Variants in GUCY1A2 observed in about 807,000 individuals in gnomAD.
The protein encoded by GUCY1A2 is guanylate cyclase 1 soluble subunit alpha 2.
A neutral mutation model predicts 63.5 loss-of-function variants in GUCY1A2; 27 were observed. That is an observed-to-expected ratio of 0.43 (90% confidence interval 0.31 to 0.59). The LOEUF is 0.59. Among genes scored for constraint, GUCY1A2 ranks in the 20% least tolerant of loss-of-function variants. The probability of loss-of-function intolerance (pLI) is 0.11; values close to 1 mark genes in which losing one functional copy is unlikely to be tolerated. For synonymous variants in GUCY1A2, 364 were observed against 343.5 expected (o/e 1.06, Z -0.66); for missense variants, 768 against 913.3 (o/e 0.84, Z 2.05).
intron 6 of GUCY1A2, among the ~76,000 whole-genome samples, chr11:106,732,661 A>G (rs1863524848): frequency 6.6e-6 from 1 of 152,186 alleles, no homozygotes; most frequent in South Asian, 2.1e-4. Flanking sequence ...GTAGAATTGG[A>G]TTTAGTGAAA....
intron 4 of GUCY1A2, among the ~76,000 whole-genome samples, chr11:106,933,595 T>G (rs1591333122): frequency 1.3e-5 from 2 of 152,208 alleles, no homozygotes; most frequent in East Asian, 3.8e-4. Context: ...CATTACTGGT[T>G]ATATATCCAA....
chr11:107,005,657 A>G (rs1861661764), intron 1 of GUCY1A2, among the ~76,000 whole-genome samples: 1 of 152,186 alleles, frequency 6.6e-6, no homozygotes, highest in Admixed American at 6.5e-5. Context: ...ATGCTGAATA[A>G]ATTAGTAAGT....
chr11:106,709,569 C>A (rs1239179125), intron 6 of GUCY1A2, among the ~76,000 whole-genome samples: 3 of 87,184 alleles, frequency 3.4e-5, no homozygotes, highest in Non-Finnish European at 6.1e-5. Context: ...ATGTTATATA[C>A]GTGTATATAA....
At chr11:106,805,286 C>T (rs1458942744) in intron 5 of GUCY1A2, among the ~76,000 whole-genome samples, 1 of 151,472 alleles carries the variant, frequency 6.6e-6, no homozygotes, top group African/African-American at 2.4e-5. Flanking sequence ...CACTCTGTTG[C>T]CCAGGCTGGA....
At chr11:106,885,099 C>T (rs184317601) in intron 4 of GUCY1A2, among the ~76,000 whole-genome samples, 61 of 152,220 alleles carry the variant, frequency 4.0e-4, no homozygotes, top group Admixed American at 3.9e-3. Flanking sequence ...GAGCAATGTA[C>T]GTCACCAGCT....
chr11:106,761,946 G>A (rs1389422174), intron 6 of GUCY1A2, among the ~76,000 whole-genome samples: 2 of 152,122 alleles, frequency 1.3e-5, no homozygotes, highest in African/African-American at 4.8e-5. Context: ...AGCACAGGAT[G>A]CTGCGCTGCA....
At chr11:106,782,338 T>A (rs1317954269) in intron 5 of GUCY1A2, among the ~76,000 whole-genome samples, 5 of 152,182 alleles carry the variant, frequency 3.3e-5, no homozygotes, top group Non-Finnish European at 7.4e-5. Context: ...AGAAGAGATA[T>A]TGGAATAAGA....
chr11:106,878,802 A>G (rs1859786310), intron 4 of GUCY1A2, among the ~76,000 whole-genome samples: 1 of 136,056 alleles, frequency 7.3e-6, no homozygotes, highest in Admixed American at 7.2e-5. Context: ...AAAAAAAAAG[A>G]AGAAGTTGGA....
chr11:106,976,195 A>G (rs1488001558), intron 3 of GUCY1A2, among the ~76,000 whole-genome samples: 1 of 151,674 alleles, frequency 6.6e-6, no homozygotes, highest in Non-Finnish European at 1.5e-5. Context: ...TTCTAATCAC[A>G]CTCCCCAAAG....
At chr11:106,816,270 G>C (rs1858831062) in intron 4 of GUCY1A2, among the ~76,000 whole-genome samples, 1 of 148,724 alleles carries the variant, frequency 6.7e-6, no homozygotes, top group South Asian at 2.1e-4. Flanking sequence ...AGTTGAAATT[G>C]TACAGAGTAT....
intron 6 of GUCY1A2, among the ~76,000 whole-genome samples, chr11:106,749,458 C>A (rs1313726177): frequency 1.3e-5 from 2 of 152,058 alleles, no homozygotes; most frequent in Non-Finnish European, 2.9e-5. Context: ...CCTCTGCACC[C>A]ACCTCTGAGT....
At chr11:106,946,827 T>C (rs1860835674) in intron 3 of GUCY1A2, among the ~76,000 whole-genome samples, 1 of 152,174 alleles carries the variant, frequency 6.6e-6, no homozygotes, top group African/African-American at 2.4e-5. Flanking sequence ...TTAACAACCA[T>C]CGAATTGTAC....
At chr11:106,884,495 G>A (rs754093139) in intron 4 of GUCY1A2, among the ~76,000 whole-genome samples, 3 of 152,106 alleles carry the variant, frequency 2.0e-5, no homozygotes, top group Non-Finnish European at 4.4e-5. Context: ...TTTGAGAGGT[G>A]TACAGAGGAA....
intron 6 of GUCY1A2, among the ~76,000 whole-genome samples, chr11:106,755,652 C>A (rs558662172): frequency 6.6e-6 from 1 of 152,066 alleles, no homozygotes; most frequent in African/African-American, 2.4e-5. Flanking sequence ...TGTAGTTGTG[C>A]GGTTTTGAGT....
chr11:106,824,872 A>G, intron 4 of GUCY1A2: 1 of 1,612,734 alleles, frequency 6.2e-7, no homozygotes, highest in Non-Finnish European at 8.5e-7. Flanking sequence ...AATTCAGGCA[A>G]CTTCCAGAAG....
rs1232623816 is a variant in GUCY1A2 at position 106,674,536 on chromosome 11, T to G, written c.*13013A>C. ...CTTTTTTAAAATTAATGGTACAGGT[T>G]TAAGAGATGCATTCATTTTTTTAAA... On this transcript the variant is annotated 3_prime_UTR_variant, in exon 8 of 8. Transcript: ENST00000526355. The G allele has an allele frequency of 5.5e-6, 1 of 180,852 alleles. No individual in the cohort carries two copies. The highest frequency in any genetic ancestry group is 1.2e-5 in the Non-Finnish European group (1 of 84,852). The allele number at this position is 180,852 out of a possible 1,614,324, so 11.2% of individuals were successfully genotyped here. A position where few individuals can be genotyped will look rare whatever the true frequency, so the allele number is the denominator to read the frequency against.
chr11:107,017,649 C>A, intron 1 of GUCY1A2, 104 bp downstream of exon 1: 1 of 576,702 alleles, frequency 1.7e-6, no homozygotes, highest in South Asian at 4.8e-5. Context: ...GGGCCGCCCC[C>A]CAGCGGTCGG....
chr11:106,818,615 T>C (rs1858861153), intron 4 of GUCY1A2, among the ~76,000 whole-genome samples: 1 of 151,920 alleles, frequency 6.6e-6, no homozygotes, highest in Non-Finnish European at 1.5e-5. Flanking sequence ...TTATATCAAA[T>C]GCTAGAAATG....
rs549318426 is a variant in GUCY1A2, at chr11:106,839,987, A to G, written c.1207-29509T>C. The stretch of plus-strand genomic sequence containing the variant: ...ACAAACCTGCACGTTGTGCACATGT[A>G]CCCTAAGACTTAAAGTATTATATAC... On this transcript the variant is annotated intron_variant, in intron 4 of 7. Transcript: ENST00000526355. Among the ~76,000 whole-genome samples, 122 of 152,138 alleles carry G rather than the reference A, an allele frequency of 8.0e-4. 6 individuals carry two copies. The South Asian group carries it at 0.025, about 31-fold the overall frequency.
Sources: allele counts gnomAD v4.1 joint callset (sites outside exome capture counted in the v4.1 genomes callset), GRCh38; gene constraint gnomAD v4.1.1; transcripts MANE v1.5; gene names NCBI Gene and HGNC (gene_info 2026-07-23, HGNC 2026-07-21).